GALNT1: variants seen among roughly 807,000 people sequenced by gnomAD.
GALNT1 encodes the protein GalNAc transferase 1.
Under a neutral mutation model 65.7 loss-of-function variants are expected in GALNT1, and 17 were observed. The ratio of observed to expected loss-of-function variants is 0.26; its 90% CI spans 0.18 to 0.39. The LOEUF is 0.39. Among genes scored for constraint, GALNT1 ranks in the 10% least tolerant of loss-of-function variants. The pLI is 1.00. For synonymous variants in GALNT1, 210 were observed against 219.7 expected (o/e 0.96, Z 0.39); for missense variants, 460 against 672.8 (o/e 0.68, Z 3.50).
At chr18:35,629,740 C>T (rs2046978099) in intron 1 of GALNT1, among the ~76,000 whole-genome samples, 1 of 151,808 alleles carries the variant, frequency 6.6e-6, no homozygotes, top group African/African-American at 2.4e-5. Context: ...TGTAAATGGG[C>T]TAAATTAAAA....
intron 1 of GALNT1, among the ~76,000 whole-genome samples, chr18:35,601,103 T>G (rs1330382944): frequency 1.3e-5 from 2 of 152,126 alleles, no homozygotes; most frequent in Admixed American, 1.3e-4. Flanking sequence ...GACTTTTTAT[T>G]TACAGATTTA....
chr18:35,677,535 C>T, intron 3 of GALNT1, 56 bp from the exon 4 acceptor site: 2 of 1,432,834 alleles, frequency 1.4e-6, no homozygotes, highest in African/African-American at 1.4e-5. Context: ...GTCCAGATTC[C>T]TTTATTATGC....
At chr18:35,640,612 TAACAG>T (rs1216199795) in intron 1 of GALNT1, among the ~76,000 whole-genome samples, 1 of 152,190 alleles carries the variant, frequency 6.6e-6, no homozygotes, top group Non-Finnish European at 1.5e-5. Context: ...GAGGAAGACT[TAACAG>T]GTCAGGAGTA....
At chr18:35,581,370 G>T (rs982431695), upstream of GALNT1, 2 of 150,190 alleles carry the variant, frequency 1.3e-5, no homozygotes, top group African/African-American at 4.9e-5. Context: ...CCGGAGTCCC[G>T]AGCCCGAGGG....
chr18:35,698,582 A>G (rs1205930310), intron 9 of GALNT1, among the ~76,000 whole-genome samples: 1 of 152,258 alleles, frequency 6.6e-6, no homozygotes. Flanking sequence ...ATAGCCACAC[A>G]TGACTAGTGG....
intron 1 of GALNT1, among the ~76,000 whole-genome samples, chr18:35,609,175 A>C (rs1484009768): frequency 1.3e-5 from 2 of 152,152 alleles, no homozygotes; most frequent in African/African-American, 4.8e-5. Flanking sequence ...TTTTACTTTA[A>C]ATCTTATCCC....
chr18:35,622,026 T>C (rs1437821365), intron 1 of GALNT1, among the ~76,000 whole-genome samples: 5 of 152,166 alleles, frequency 3.3e-5, no homozygotes, highest in African/African-American at 1.2e-4. Context: ...TGTTTAAAAT[T>C]GTAATGGCTT....
Position 35,649,565 on chromosome 18 carries a change from AAC to A in GALNT1, c.-103-4993_-103-4992del, listed in dbSNP as rs140173291. ...AATAAAGGTGTATCACCTGAGTATA[AAC>A]AGATATTTTCTTAATGGTGTCTTTT... On this transcript the variant is annotated intron_variant, in intron 1 of 11. Coordinates refer to ENST00000269195, the MANE Select transcript of GALNT1 (RefSeq NM_020474.4). Among the ~76,000 whole-genome samples the A allele has an allele frequency of 1.3e-3, 200 of 152,278 alleles. 1 individual carries two copies. Among genetic ancestry groups the A allele is most frequent in the African/African-American group, 4.6e-3 (191 of 41,540 alleles).
At chr18:35,672,175 A>G (rs1345926968) in intron 3 of GALNT1, among the ~76,000 whole-genome samples, 1 of 152,242 alleles carries the variant, frequency 6.6e-6, no homozygotes, top group East Asian at 1.9e-4. Flanking sequence ...GAGGATTTGT[A>G]AAGTGCTTTG....
intron 6 of GALNT1, 82 bp downstream of exon 6, chr18:35,687,268 G>C: frequency 7.3e-7 from 1 of 1,367,308 alleles, no homozygotes; most frequent in Non-Finnish European, 1.0e-6. Flanking sequence ...AAATGGATAA[G>C]TGTATTTTGA....
At chr18:35,618,091 G>A (rs2046807974) in intron 1 of GALNT1, among the ~76,000 whole-genome samples, 1 of 150,082 alleles carries the variant, frequency 6.7e-6, no homozygotes, top group Non-Finnish European at 1.5e-5. Context: ...CACTACTGCA[G>A]TTAACAGCAC....
chr18:35,628,827 T>G (rs906198893), intron 1 of GALNT1, among the ~76,000 whole-genome samples: 3 of 152,280 alleles, frequency 2.0e-5, no homozygotes, highest in African/African-American at 4.8e-5. Context: ...GAAAAAAGAT[T>G]AGACGAATGG....
chr18:35,597,377 T>TG (rs1438772043), intron 1 of GALNT1: 3 of 152,288 alleles, frequency 2.0e-5, no homozygotes, highest in Admixed American at 2.0e-4. Context: ...AATTAGGACG[T>TG]GGGGAGAGAT....
intron 1 of GALNT1, among the ~76,000 whole-genome samples, chr18:35,625,107 G>C (rs543422150): frequency 1.4e-4 from 22 of 152,284 alleles, no homozygotes; most frequent in Admixed American, 1.1e-3. Context: ...ATTAGTTTCT[G>C]CTCTCTTCAG....
chr18:35,590,079 T>C (rs1362157572), intron 1 of GALNT1, among the ~76,000 whole-genome samples: 3 of 152,192 alleles, frequency 2.0e-5, no homozygotes, highest in Non-Finnish European at 4.4e-5. Context: ...TGATTAGCCA[T>C]TCAGTTGAAC....
Position 35,581,747 on chromosome 18 carries a change from G to A in GALNT1, c.-219G>A, listed in dbSNP as rs1335829466. ...GCCGGGGGAGCCGCCGGCAGTGGCCGAGGAGCGCGCGGCGGACGGCGGCCC... is the reference window on the plus strand; with the variant it reads ...GCCGGGGGAGCCGCCGGCAGTGGCCAAGGAGCGCGCGGCGGACGGCGGCCC... On this transcript the variant is annotated 5_prime_UTR_variant, in exon 1 of 12. Coordinates refer to ENST00000269195, the MANE Select transcript of GALNT1 (RefSeq NM_020474.4). The A allele has an allele frequency of 0.024, 3 of 126 alleles. No individual in the cohort carries two copies. The highest frequency in any genetic ancestry group is 0.037 in the Non-Finnish European group (2 of 54). The allele number at this position is 126 out of a possible 1,614,324, so 0.0% of individuals were successfully genotyped here. A position where few individuals can be genotyped will look rare whatever the true frequency, so the allele number is the denominator to read the frequency against.
Position 35,710,099 on chromosome 18 carries a change from T to G in GALNT1, c.*329T>G. On this transcript the variant is annotated 3_prime_UTR_variant, in exon 12 of 12. Coordinates refer to ENST00000269195, the MANE Select transcript of GALNT1 (RefSeq NM_020474.4). ...ATATGCTTTCTGGAGAACTGTACCTTTTATGGTTTGCTTGCACATCAGTAG... is the reference window on the plus strand; with the variant it reads ...ATATGCTTTCTGGAGAACTGTACCTGTTATGGTTTGCTTGCACATCAGTAG... The G allele has an allele frequency of 4.9e-6, 1 of 202,838 alleles. No individual in the cohort carries two copies. Among genetic ancestry groups the G allele is most frequent in the Non-Finnish European group, 1.0e-5 (1 of 98,580 alleles). 12.6% of individuals were successfully genotyped at this position (202,838 alleles called of 1,614,324 possible).
At position 35,607,393 on chromosome 18, in the gene GALNT1, TTC is replaced by T. The variant is rs562231031; in HGVS notation, c.-104+25533_-104+25534del. Reference sequence around the variant, plus strand: ...CCAGAGCCATTGTGTTTCTGCTTCCTTCTGTGATGCCTTACTCTATGGTTGTT... The same window carrying T: ...CCAGAGCCATTGTGTTTCTGCTTCCTTGTGATGCCTTACTCTATGGTTGTT... On this transcript the variant is annotated intron_variant, in intron 1 of 11. Transcript: ENST00000269195. Among the ~76,000 whole-genome samples, 13 of 152,280 alleles carry T rather than the reference TTC, an allele frequency of 8.5e-5. 1 individual carries two copies. In the South Asian group the frequency reaches 2.7e-3, roughly 32 times the overall value.
At chr18:35,687,241 G>A (rs2144633364) in intron 6 of GALNT1, 55 bp downstream of exon 6, 3 of 1,538,084 alleles carry the variant, frequency 2.0e-6, no homozygotes, top group Non-Finnish European at 2.7e-6. Context: ...AGGTTGTGGA[G>A]CTTTGGGAAT....
Sources: gnomAD v4.1 joint callset for allele counts (sites outside exome capture counted in the v4.1 genomes callset) on GRCh38, gnomAD v4.1.1 for gene constraint, MANE v1.5 for transcripts, NCBI Gene and HGNC (gene_info 2026-07-23, HGNC 2026-07-21) for gene names.